PRKCA: variants seen among roughly 807,000 people sequenced by gnomAD.
PRKCA encodes protein kinase C alpha, also known as protein kinase C alpha type.
Under a neutral mutation model 87.0 loss-of-function variants are expected in PRKCA, and 27 were observed. The observed-to-expected ratio is 0.31, with a 90% CI of 0.23 to 0.43. PRKCA has a LOEUF of 0.43. PRKCA is among the 20% of genes least tolerant of loss of function. The pLI is 1.00. For synonymous variants in PRKCA, 329 were observed against 311.1 expected (o/e 1.06, Z -0.61); for missense variants, 518 against 852.3 (o/e 0.61, Z 4.88).
In PRKCA at chr17:66,336,818, C is replaced by T. The variant is rs988885054; in HGVS notation, c.205+30691C>T. 3.3e-5 allele frequency among the ~76,000 whole-genome samples: 5 copies of T among 149,260 alleles called. No individual in the cohort carries two copies. In the South Asian group the frequency reaches 1.1e-3, roughly 32 times the overall value. ...TGTGTGTGTGTTTGAGACGGAGTTTCGCTCTTGTTGCCCAGGCTGGAGTGC... is the reference window on the plus strand; with the variant it reads ...TGTGTGTGTGTTTGAGACGGAGTTTTGCTCTTGTTGCCCAGGCTGGAGTGC... On this transcript the variant is annotated intron_variant, in intron 2 of 16. Coordinates refer to ENST00000413366, the MANE Select transcript of PRKCA (RefSeq NM_002737.3).
chr17:66,554,055 A>C (rs1441476203), intron 3 of PRKCA, among the ~76,000 whole-genome samples: 3 of 152,154 alleles, frequency 2.0e-5, no homozygotes, highest in African/African-American at 7.2e-5. Flanking sequence ...AGAACTGGGC[A>C]CCAGACATTG....
chr17:66,446,473 A>G (rs527916882), intron 2 of PRKCA, among the ~76,000 whole-genome samples: 35 of 152,300 alleles, frequency 2.3e-4, no homozygotes, highest in Middle Eastern at 6.8e-3. Context: ...CCAGACCCAG[A>G]AGGATACTCA....
rs1022782800 is a variant in PRKCA at position 66,808,516 on chromosome 17, G to C, written c.*4479G>C. ...TTTCTTTATAACCCGACAAGGGTAG[G>C]AGTGCCTGTTTCCCCTGCTGGGCAC... On this transcript the variant is annotated 3_prime_UTR_variant, in exon 17 of 17. Coordinates refer to ENST00000413366, the MANE Select transcript of PRKCA (RefSeq NM_002737.3). 6 of 152,298 alleles carry C rather than the reference G, an allele frequency of 3.9e-5. No individual in the cohort carries two copies. Among genetic ancestry groups the C allele is most frequent in the African/African-American group, 1.5e-4 (6 of 41,340 alleles). The allele number at this position is 152,298 out of a possible 1,614,324, so 9.4% of individuals were successfully genotyped here.
At chr17:66,350,525 T>A (rs1409785925) in intron 2 of PRKCA, among the ~76,000 whole-genome samples, 3 of 152,204 alleles carry the variant, frequency 2.0e-5, no homozygotes, top group African/African-American at 4.8e-5. Flanking sequence ...TTTTATTATT[T>A]TTTTTAATCT....
chr17:66,672,226 T>G, intron 5 of PRKCA, among the ~76,000 whole-genome samples: 1 of 152,202 alleles, frequency 6.6e-6, no homozygotes, highest in Non-Finnish European at 1.5e-5. Context: ...GACAAAAGGC[T>G]TTTATCATTT....
At chr17:66,694,055 C>G (rs1440060520) in intron 8 of PRKCA, among the ~76,000 whole-genome samples, 3 of 152,104 alleles carry the variant, frequency 2.0e-5, no homozygotes, top group Non-Finnish European at 4.4e-5. Context: ...AACTAATATC[C>G]TGATACGATA....
chr17:66,356,190 C>T (rs997474844), intron 2 of PRKCA, among the ~76,000 whole-genome samples: 12 of 152,278 alleles, frequency 7.9e-5, no homozygotes, highest in East Asian at 3.9e-4. Context: ...TTAGCCACCA[C>T]GCCCATCGGT....
intron 3 of PRKCA, among the ~76,000 whole-genome samples, chr17:66,511,308 A>G (rs993843022): frequency 6.6e-6 from 1 of 152,194 alleles, no homozygotes; most frequent in Non-Finnish European, 1.5e-5. Flanking sequence ...ATTATGACTC[A>G]TTTGTTCTTA....
chr17:66,319,259 C>T (rs1414941626), intron 2 of PRKCA, among the ~76,000 whole-genome samples: 1 of 152,090 alleles, frequency 6.6e-6, no homozygotes, highest in Non-Finnish European at 1.5e-5. Flanking sequence ...AGTAATATGA[C>T]AATTGAAGTA....
chr17:66,741,004 T>C (rs1974147674), intron 11 of PRKCA, among the ~76,000 whole-genome samples: 1 of 152,194 alleles, frequency 6.6e-6, no homozygotes, highest in African/African-American at 2.4e-5. Context: ...CATGTGATAT[T>C]TCCACAGGCA....
chr17:66,312,623 A>G (rs1029956766), intron 2 of PRKCA, among the ~76,000 whole-genome samples: 1 of 151,772 alleles, frequency 6.6e-6, no homozygotes, highest in Non-Finnish European at 1.5e-5. Context: ...TTCTTTCCTC[A>G]ACCCCGTTTG....
chr17:66,671,227 A>AAAC (rs1440146386), intron 5 of PRKCA, among the ~76,000 whole-genome samples: 4 of 150,352 alleles, frequency 2.7e-5, no homozygotes, highest in Non-Finnish European at 5.9e-5. Flanking sequence ...AAAAAAAAAA[A>AAAC]AAAAAAGACT....
chr17:66,531,319 C>T (rs187210453), intron 3 of PRKCA, among the ~76,000 whole-genome samples: 4 of 152,312 alleles, frequency 2.6e-5, no homozygotes, highest in Admixed American at 2.6e-4. Context: ...GGTTCTTAGC[C>T]CTGCCTGAAC....
At chr17:66,353,785 A>T (rs1754970673) in intron 2 of PRKCA, among the ~76,000 whole-genome samples, 1 of 152,204 alleles carries the variant, frequency 6.6e-6, no homozygotes, top group African/African-American at 2.4e-5. Flanking sequence ...GAAGGAATTA[A>T]GATGGTCTGA....
intron 2 of PRKCA, among the ~76,000 whole-genome samples, chr17:66,424,555 C>T (rs561903949): frequency 3.3e-5 from 2 of 61,180 alleles, no homozygotes; most frequent in East Asian, 1.0e-3. Flanking sequence ...CAGCAGAGCA[C>T]GACCCTGTCT....
intron 8 of PRKCA, among the ~76,000 whole-genome samples, chr17:66,724,829 ATAG>A (rs917538167): frequency 6.6e-6 from 1 of 152,254 alleles, no homozygotes; most frequent in Non-Finnish European, 1.5e-5. Context: ...AGTCTGAATT[ATAG>A]TCATGACAAC....
chr17:66,621,629 T>G (rs1464269774), intron 3 of PRKCA, among the ~76,000 whole-genome samples: 6 of 152,168 alleles, frequency 3.9e-5, no homozygotes, highest in African/African-American at 1.4e-4. Context: ...AATATCTGCT[T>G]CGTTCATGGA....
intron 2 of PRKCA, among the ~76,000 whole-genome samples, chr17:66,494,300 C>A (rs117126155): frequency 0.015 from 2,217 of 152,304 alleles, 18 homozygotes; most frequent in Non-Finnish European, 0.021. Flanking sequence ...ATACCTGAGA[C>A]TAGGTAATTT....
At chr17:66,529,585 C>A (rs1376782916) in intron 3 of PRKCA, among the ~76,000 whole-genome samples, 4 of 152,130 alleles carry the variant, frequency 2.6e-5, no homozygotes, top group Non-Finnish European at 5.9e-5. Context: ...GGTGGTATGA[C>A]AAAATCTCAT....
Sources: gnomAD v4.1 joint callset for allele counts (sites outside exome capture counted in the v4.1 genomes callset) on GRCh38, gnomAD v4.1.1 for gene constraint, MANE v1.5 for transcripts, NCBI Gene and HGNC (gene_info 2026-07-23, HGNC 2026-07-21) for gene names.